RP1: variants seen among roughly 807,000 people sequenced by gnomAD.
RP1 encodes the protein oxygen-regulated protein 1.
Under a neutral mutation model 14.8 loss-of-function variants are expected in RP1, and 16 were observed. That is an observed-to-expected ratio of 1.08 (90% CI 0.73 to 1.65). RP1 has a LOEUF of 1.65. Ranked by LOEUF, RP1 falls within the 40% of genes most tolerant of loss-of-function variation. The pLI is 0.00. For missense variants in RP1, 2,631 were observed against 2,535.0 expected (o/e 1.04, Z -0.81); for synonymous variants, 876 against 883.6 (o/e 0.99, Z 0.15).
At chr8:54,729,866 T>C (rs747196998) in intron 17 of RP1, among the ~76,000 whole-genome samples, 30 of 152,100 alleles carry the variant, frequency 2.0e-4, no homozygotes, top group Non-Finnish European at 3.8e-4. Context: ...ATAATTCCCA[T>C]AAATGGAATT....
intron 27 of RP1, among the ~76,000 whole-genome samples, chr8:54,864,623 T>C (rs977448652): frequency 6.6e-6 from 1 of 152,190 alleles, no homozygotes; most frequent in African/African-American, 2.4e-5. Context: ...CTTGTTATGG[T>C]TCCACACTAA....
chr8:54,812,406 G>T (rs1811019887), intron 24 of RP1, among the ~76,000 whole-genome samples: 1 of 152,150 alleles, frequency 6.6e-6, no homozygotes, highest in Admixed American at 6.5e-5. Context: ...CTCCTAAAGT[G>T]CTGGGATTAC....
chr8:54,681,059 G>A (rs1242299428), intron 12 of RP1, among the ~76,000 whole-genome samples: 2 of 151,934 alleles, frequency 1.3e-5, no homozygotes, highest in Non-Finnish European at 1.5e-5. Flanking sequence ...TCCTTACCTC[G>A]GCAAAAATTG....
intron 27 of RP1, among the ~76,000 whole-genome samples, chr8:54,860,224 T>C (rs918123981): frequency 3.3e-5 from 5 of 152,060 alleles, no homozygotes; most frequent in Admixed American, 6.5e-5. Flanking sequence ...CATATAGAAA[T>C]GGCTTTGATG....
rs1806207230 is a variant in RP1 at position 54,630,007 on chromosome 8, T to C, written c.6125T>C (p.Leu2042Ser). The part of the protein sequence containing the change: ...FCMNFLHTSL[L>S]VVGNVDSNTQ... ...ATGAATTTCTTGCACACATCATTGT[T>C]AGTTGTGGGTAATGTGGATTCAAAT... The change falls in exon 4 of 4, where the codon TTA (leucine) becomes TCA (serine). Residue 2042 changes from leucine (L) to serine (S), a missense_variant. Transcript: ENST00000220676. 6.2e-7 allele frequency: 1 copy of C among 1,614,030 alleles called. No individual in the cohort carries two copies. Among genetic ancestry groups the C allele is most frequent in the South Asian group, 1.1e-5 (1 of 91,072 alleles).
chr8:54,765,025 G>A (rs948639421), intron 22 of RP1, among the ~76,000 whole-genome samples: 5 of 152,182 alleles, frequency 3.3e-5, no homozygotes, highest in African/African-American at 4.8e-5. Context: ...CAACCACACC[G>A]CAAGGGGGCT....
chr8:54,810,922 G>C (rs535989645), intron 24 of RP1, among the ~76,000 whole-genome samples: 11 of 152,144 alleles, frequency 7.2e-5, no homozygotes, highest in Non-Finnish European at 1.5e-4. Flanking sequence ...TCAAATCTGC[G>C]CAAATGCATG....
At chr8:54,646,063 T>C (rs1806544949) in intron 3 of RP1, among the ~76,000 whole-genome samples, 1 of 152,130 alleles carries the variant, frequency 6.6e-6, no homozygotes, top group Non-Finnish European at 1.5e-5. Context: ...GTGGTATATG[T>C]ATATTACAAA....
intron 3 of RP1, among the ~76,000 whole-genome samples, chr8:54,642,288 A>G (rs996743118): frequency 3.3e-5 from 5 of 152,144 alleles, no homozygotes; most frequent in Admixed American, 2.0e-4. Flanking sequence ...TTGGTTAACT[A>G]TATATATTTT....
At chr8:54,744,213 C>A (rs1809167732) in intron 19 of RP1, among the ~76,000 whole-genome samples, 1 of 152,114 alleles carries the variant, frequency 6.6e-6, no homozygotes, top group African/African-American at 2.4e-5. Flanking sequence ...GGCAGTAGCA[C>A]ACATATTATA....
intron 1 of RP1, among the ~76,000 whole-genome samples, chr8:54,599,962 G>A (rs962200280): frequency 2.0e-5 from 3 of 152,116 alleles, no homozygotes; most frequent in Non-Finnish European, 2.9e-5. Context: ...GGAAGCTCTG[G>A]CCACTTACAC....
At position 54,582,961 on chromosome 8, in the gene RP1, T is replaced by A. The variant is rs187641290; in HGVS notation, c.-13+23641T>A. Among the ~76,000 whole-genome samples, 574 of 152,308 alleles carry A rather than the reference T, an allele frequency of 3.8e-3. 3 individuals are homozygous for A. Among genetic ancestry groups the A allele is most frequent in the African/African-American group, 0.013 (532 of 41,560 alleles). ...CATCTGGAAACAGGGACAATTTGACTTCCTCTTTTCCTACTTGAATACCCT... is the reference window on the plus strand; with the variant it reads ...CATCTGGAAACAGGGACAATTTGACATCCTCTTTTCCTACTTGAATACCCT... On this transcript the variant is annotated intron_variant, in intron 1 of 22. Transcript: ENST00000636932.
In RP1 at chr8:54,627,539, T is replaced by C. The variant is rs145115379; in HGVS notation, c.3657T>C (p.Ser1219=). ...ATTGTTCCACGGTCAACATTCAGAG[T>C]GTTCCTAAGTGCAGTGAAAATGAAA... ...SANCSTVNIQ[S]VPKCSENERT... Residue 1219 remains serine, a synonymous_variant, in exon 4 of 4, where the codon AGT becomes AGC. Coordinates refer to ENST00000220676, the MANE Select transcript of RP1 (RefSeq NM_006269.2). 4.6e-5 allele frequency: 74 copies of C among 1,614,132 alleles called. No individual in the cohort carries two copies. The African/African-American group carries it at 8.1e-4, about 18-fold the overall frequency.
At chr8:54,646,307 C>G (rs190840707) in intron 3 of RP1, among the ~76,000 whole-genome samples, 5 of 151,862 alleles carry the variant, frequency 3.3e-5, no homozygotes, top group Non-Finnish European at 7.4e-5. Flanking sequence ...CCCCCTCCCC[C>G]TCTTTTCTGT....
chr8:54,682,272 G>T (rs1198561844), intron 12 of RP1, among the ~76,000 whole-genome samples: 2 of 150,992 alleles, frequency 1.3e-5, no homozygotes, highest in Admixed American at 1.3e-4. Flanking sequence ...TTAAGTTCTG[G>T]GATACATGTG....
intron 9 of RP1, chr8:54,678,565 A>T (rs959936436): frequency 6.6e-7 from 1 of 1,515,060 alleles, no homozygotes; most frequent in African/African-American, 1.4e-5. Flanking sequence ...ACATCGAAAA[A>T]ATCCATTTCA....
At chr8:54,839,147 T>C (rs1357456475) in intron 25 of RP1, among the ~76,000 whole-genome samples, 1 of 152,210 alleles carries the variant, frequency 6.6e-6, no homozygotes, top group Non-Finnish European at 1.5e-5. Context: ...TTACTGGCCC[T>C]ACTTGGTCAT....
intron 23 of RP1, among the ~76,000 whole-genome samples, chr8:54,783,212 AT>A (rs1170345891): frequency 7.9e-5 from 12 of 152,082 alleles, no homozygotes; most frequent in Non-Finnish European, 1.6e-4. Context: ...ATCCATTCCC[AT>A]CCCCAAATTT....
At chr8:54,580,819 A>G (rs1804773266) in intron 1 of RP1, among the ~76,000 whole-genome samples, 1 of 151,702 alleles carries the variant, frequency 6.6e-6, no homozygotes, top group East Asian at 1.9e-4. Context: ...GGGTTTCTCC[A>G]TATTGGCCAG....
Sources: allele counts gnomAD v4.1 joint callset (sites outside exome capture counted in the v4.1 genomes callset), GRCh38; gene constraint gnomAD v4.1.1; transcripts MANE v1.5; gene names NCBI Gene and HGNC (gene_info 2026-07-23, HGNC 2026-07-21).